The following CIMIP3 variants were observed in gnomAD, a reference collection of about 807,000 sequenced individuals.
CIMIP3 encodes the protein ciliary microtubule inner protein 3, also known as GUCA1A neighbor.
chr6:42,155,522 G>C, the CIMIP3 span: 3 of 717,112 alleles, frequency 4.2e-6, no homozygotes, highest in African/African-American at 5.2e-5. Flanking sequence ...AGGTCAGCTC[G>C]GGGTCACAAG....
chr6:42,163,186 C>T, the CIMIP3 span: 3 of 613,192 alleles, frequency 4.9e-6, no homozygotes, highest in African/African-American at 3.7e-5. Flanking sequence ...ACCGCCGGGA[C>T]ACTGACCACA....
chr6:42,156,750 G>A, the CIMIP3 span, among the ~76,000 whole-genome samples: 1 of 152,202 alleles, frequency 6.6e-6, no homozygotes, highest in Non-Finnish European at 1.5e-5. Context: ...TTGCAGATGA[G>A]GCCCCTGAAG....
chr6:42,161,590 C>T, the CIMIP3 span, among the ~76,000 whole-genome samples: 128 of 152,150 alleles, frequency 8.4e-4, no homozygotes, highest in Non-Finnish European at 9.1e-4. Flanking sequence ...CAATGTGAGG[C>T]GCTAAATGTG....
chr6:42,162,050 A>G, the CIMIP3 span, among the ~76,000 whole-genome samples: 2 of 135,018 alleles, frequency 1.5e-5, no homozygotes, highest in African/African-American at 5.4e-5. Context: ...AATGCTGGGT[A>G]GGTGGAGGGA....
At chr6:42,162,711 T>C in the CIMIP3 span, among the ~76,000 whole-genome samples, 3 of 151,976 alleles carry the variant, frequency 2.0e-5, no homozygotes, top group Admixed American at 2.0e-4. Context: ...GTAGGCAGAG[T>C]TCTGCAGCAG....
chr6:42,160,491 C>A, the CIMIP3 span, among the ~76,000 whole-genome samples: 1 of 152,182 alleles, frequency 6.6e-6, no homozygotes, highest in African/African-American at 2.4e-5. Context: ...ACTGCTGGAG[C>A]CGTTTACAGC....
At chr6:42,162,287 G>A in the CIMIP3 span, among the ~76,000 whole-genome samples, 3 of 149,708 alleles carry the variant, frequency 2.0e-5, no homozygotes, top group Non-Finnish European at 4.5e-5. Flanking sequence ...GGTGGCGGGT[G>A]CCTGTAATCC....
the CIMIP3 span, among the ~76,000 whole-genome samples, chr6:42,162,434 T>A: frequency 1.5e-5 from 2 of 131,080 alleles, no homozygotes; most frequent in Non-Finnish European, 3.2e-5. Context: ...TGAGATGGAG[T>A]CTCGCTCTGT....
the CIMIP3 span, among the ~76,000 whole-genome samples, chr6:42,159,074 C>G: frequency 1.9e-4 from 29 of 151,986 alleles, no homozygotes; most frequent in African/African-American, 6.8e-4. Context: ...CAGGAAAGGA[C>G]GCATTCTCCA....
the CIMIP3 span, among the ~76,000 whole-genome samples, chr6:42,162,371 T>A: frequency 6.7e-6 from 1 of 150,142 alleles, no homozygotes; most frequent in Non-Finnish European, 1.5e-5. Flanking sequence ...GCCGAGATCG[T>A]GCCATTGTAC....
At chr6:42,160,968 C>T in the CIMIP3 span, among the ~76,000 whole-genome samples, 2 of 152,088 alleles carry the variant, frequency 1.3e-5, no homozygotes, top group Non-Finnish European at 2.9e-5. Context: ...GCGGGCGGAT[C>T]ACCTGAGGTC....
At chr6:42,159,515 TGTCCATGCA>T in the CIMIP3 span, among the ~76,000 whole-genome samples, 9 of 152,150 alleles carry the variant, frequency 5.9e-5, no homozygotes, top group African/African-American at 1.9e-4. Flanking sequence ...TGTGTTGTTC[TGTCCATGCA>T]GGGTCCAAGA....
chr6:42,158,093 C>T, the CIMIP3 span, among the ~76,000 whole-genome samples: 1 of 136,282 alleles, frequency 7.3e-6, no homozygotes, highest in African/African-American at 2.5e-5. Context: ...TGGCTGAGAA[C>T]CAATGATCTA....
the CIMIP3 span, chr6:42,163,252 C>T: frequency 1.8e-6 from 1 of 566,636 alleles, no homozygotes; most frequent in Non-Finnish European, 3.3e-6. Flanking sequence ...GCTCCTAGGC[C>T]TGAGCCAAAC....
At chr6:42,162,459 G>A in the CIMIP3 span, among the ~76,000 whole-genome samples, 1 of 147,436 alleles carries the variant, frequency 6.8e-6, no homozygotes, top group African/African-American at 2.5e-5. Context: ...GTGAAGCACA[G>A]CGTGACCAAG....
the CIMIP3 span, among the ~76,000 whole-genome samples, chr6:42,156,506 A>C: frequency 6.6e-6 from 1 of 151,994 alleles, no homozygotes; most frequent in Non-Finnish European, 1.5e-5. Flanking sequence ...ACCCAGTCAC[A>C]TGAGGAAGCT....
chr6:42,155,861 T>A, the CIMIP3 span, among the ~76,000 whole-genome samples: 1 of 152,202 alleles, frequency 6.6e-6, no homozygotes. Context: ...GCACCTTACA[T>A]GGACTAGCTC....
chr6:42,162,488 G>C, the CIMIP3 span, among the ~76,000 whole-genome samples: 36 of 151,376 alleles, frequency 2.4e-4, no homozygotes, highest in African/African-American at 8.5e-4. Flanking sequence ...TGGGAGACAG[G>C]AAGCCCTGGT....
the CIMIP3 span, among the ~76,000 whole-genome samples, chr6:42,156,251 C>T: frequency 6.6e-6 from 1 of 151,998 alleles, no homozygotes; most frequent in Non-Finnish European, 1.5e-5. Flanking sequence ...CTGCCTCGGC[C>T]TCCCAAAGTG....
Sources: gnomAD v4.1 joint callset for allele counts (sites outside exome capture counted in the v4.1 genomes callset) on GRCh38, gnomAD v4.1.1 for gene constraint, MANE v1.5 for transcripts, NCBI Gene and HGNC (gene_info 2026-07-23, HGNC 2026-07-21) for gene names.